ACOXL: variants seen among roughly 807,000 people sequenced by gnomAD.
ACOXL encodes the protein acyl-CoA oxidase like.
ACOXL carries 70 observed loss-of-function variants against 71.9 expected under a neutral mutation model. That is an observed-to-expected ratio of 0.97 (90% CI 0.80 to 1.19). The LOEUF (loss-of-function observed/expected upper bound fraction) is 1.19, where lower values mean the gene tolerates loss of function less well. Ranked by LOEUF, ACOXL falls within the 50% of genes most tolerant of loss-of-function variation. The pLI is 0.00. For missense variants in ACOXL, 703 were observed against 736.3 expected (o/e 0.95, Z 0.52); for synonymous variants, 253 against 281.6 (o/e 0.90, Z 1.02).
At chr2:110,875,960 T>C (rs1267564403) in intron 10 of ACOXL, among the ~76,000 whole-genome samples, 1 of 152,044 alleles carries the variant, frequency 6.6e-6, no homozygotes, top group East Asian at 1.9e-4. Context: ...TCTGTGTAAA[T>C]CCACTCTACT....
chr2:110,772,181 A>G (rs1015469832), intron 2 of ACOXL, among the ~76,000 whole-genome samples: 2 of 152,254 alleles, frequency 1.3e-5, no homozygotes, highest in Non-Finnish European at 1.5e-5. Flanking sequence ...TGAGTTGTAT[A>G]TATAAATGAC....
chr2:110,825,040 T>G (rs902987104), intron 9 of ACOXL, among the ~76,000 whole-genome samples: 28 of 152,340 alleles, frequency 1.8e-4, no homozygotes, highest in Middle Eastern at 3.4e-3. Context: ...CAAGTCTCAG[T>G]TCAATTCTTT....
At chr2:110,756,604 A>T (rs993239908) in intron 1 of ACOXL, among the ~76,000 whole-genome samples, 2 of 151,904 alleles carry the variant, frequency 1.3e-5, no homozygotes, top group African/African-American at 4.8e-5. Flanking sequence ...TCAATTGTTG[A>T]TCTATTTGGA....
rs762447164 is a variant in ACOXL at position 110,996,013 on chromosome 2, A to G, written c.1281+9A>G. On this transcript the variant is annotated intron_variant, in intron 14 of 17. Coordinates refer to ENST00000439055, the MANE Select transcript of ACOXL (RefSeq NM_001142807.4). Reference sequence around the variant, plus strand: ...CCAGAATTTATTATAAGGTAAAGATACACTGTGTTATATTTTTCCTTTTGA... The same window carrying G: ...CCAGAATTTATTATAAGGTAAAGATGCACTGTGTTATATTTTTCCTTTTGA... The G allele has an allele frequency of 2.0e-5, 31 of 1,575,742 alleles. No homozygotes were observed. The Admixed American group carries it at 5.3e-4, about 27-fold the overall frequency.
At position 111,076,478 on chromosome 2, in the gene ACOXL, T is replaced by A. The variant is rs79500620; in HGVS notation, c.1441-16387T>A. Among the ~76,000 whole-genome samples, 561 of 152,322 alleles carry A rather than the reference T, an allele frequency of 3.7e-3. 10 individuals carry two copies. The East Asian group carries it at 0.047, about 13-fold the overall frequency. On this transcript the variant is annotated intron_variant, in intron 16 of 17. Transcript: ENST00000439055. ...TCCTTTTAGTTTTACATCTATCATT[T>A]TATTTGGAGTTATTTTTTGGTACAC... is the stretch of plus-strand genomic sequence containing the variant.
At chr2:111,058,884 C>G (rs1353520488) in intron 16 of ACOXL, among the ~76,000 whole-genome samples, 1 of 152,134 alleles carries the variant, frequency 6.6e-6, no homozygotes, top group Non-Finnish European at 1.5e-5. Context: ...TCTTGGGTCT[C>G]CTGATGGAAT....
intron 12 of ACOXL, among the ~76,000 whole-genome samples, chr2:110,965,924 A>G (rs886399738): frequency 1.3e-5 from 2 of 152,288 alleles, no homozygotes; most frequent in East Asian, 3.9e-4. Flanking sequence ...ATGCTCCAGG[A>G]GACACCTAAT....
rs555125125 is a variant in ACOXL, at chr2:110,900,931, C to T, written c.789-7858C>T. ...ACAGAGCCAGGGCTGCAGGTTTATC[C>T]TGGGTGGTGTTGTCTCCTATCTGAG... is the stretch of plus-strand genomic sequence containing the variant. On this transcript the variant is annotated intron_variant, in intron 10 of 17. Coordinates refer to ENST00000439055, the MANE Select transcript of ACOXL (RefSeq NM_001142807.4). 3.3e-5 allele frequency among the ~76,000 whole-genome samples: 5 copies of T among 152,304 alleles called. No individual in the cohort carries two copies. The South Asian group carries it at 1.0e-3, about 32-fold the overall frequency.
intron 12 of ACOXL, among the ~76,000 whole-genome samples, chr2:110,978,345 C>G (rs1374663222): frequency 6.6e-6 from 1 of 152,198 alleles, no homozygotes; most frequent in East Asian, 1.9e-4. Flanking sequence ...AAGGGAGGAG[C>G]CCTCATGGCA....
intron 16 of ACOXL, among the ~76,000 whole-genome samples, chr2:111,064,032 G>T (rs1315450221): frequency 6.6e-6 from 1 of 152,192 alleles, no homozygotes; most frequent in African/African-American, 2.4e-5. Flanking sequence ...CAAGGTCAAC[G>T]TTCATTCATT....
At chr2:111,007,476 T>C (rs2063930740) in intron 14 of ACOXL, among the ~76,000 whole-genome samples, 2 of 152,354 alleles carry the variant, frequency 1.3e-5, no homozygotes, top group Non-Finnish European at 2.9e-5. Context: ...ATTTTATGCT[T>C]TGGGTTACAA....
chr2:110,882,108 G>C (rs925112068), intron 10 of ACOXL, among the ~76,000 whole-genome samples: 1 of 152,120 alleles, frequency 6.6e-6, no homozygotes, highest in African/African-American at 2.4e-5. Flanking sequence ...AGTTCCAGTT[G>C]CTCCACACTC....
At chr2:110,889,069 G>A (rs929379601) in intron 10 of ACOXL, among the ~76,000 whole-genome samples, 4 of 152,194 alleles carry the variant, frequency 2.6e-5, no homozygotes, top group African/African-American at 9.7e-5. Flanking sequence ...CCTGAAGTGA[G>A]TTTTGTCTTG....
chr2:110,939,642 A>G (rs1163430921), intron 12 of ACOXL, among the ~76,000 whole-genome samples: 2 of 152,192 alleles, frequency 1.3e-5, no homozygotes, highest in African/African-American at 4.8e-5. Context: ...TTTTGTGCAT[A>G]CCTGGGATTG....
intron 12 of ACOXL, among the ~76,000 whole-genome samples, chr2:110,950,044 T>G (rs1027849208): frequency 6.6e-6 from 1 of 151,956 alleles, no homozygotes; most frequent in African/African-American, 2.4e-5. Context: ...TTTATTTTTA[T>G]TTTATGTTAT....
At chr2:110,749,940 T>A (rs1021196109) in intron 1 of ACOXL, among the ~76,000 whole-genome samples, 1 of 152,236 alleles carries the variant, frequency 6.6e-6, no homozygotes, top group African/African-American at 2.4e-5. Context: ...GTCAGGTGTT[T>A]GTCAAATGTC....
intron 9 of ACOXL, among the ~76,000 whole-genome samples, chr2:110,838,330 G>T (rs1390609222): frequency 2.0e-5 from 3 of 152,204 alleles, no homozygotes; most frequent in African/African-American, 7.2e-5. Flanking sequence ...ATATGTGTGT[G>T]TGCAGTGTAC....
In ACOXL at chr2:110,860,348, T is replaced by C. The variant is rs183220298; in HGVS notation, c.788+18943T>C. 1.8e-3 allele frequency among the ~76,000 whole-genome samples: 277 copies of C among 152,312 alleles called. 2 individuals are homozygous for C. The highest frequency in any genetic ancestry group is 6.5e-3 in the African/African-American group (271 of 41,586). On this transcript the variant is annotated intron_variant, in intron 10 of 17. Coordinates refer to ENST00000439055, the MANE Select transcript of ACOXL (RefSeq NM_001142807.4). ...CTGGTCTTGAACTCCCGACCTCAAGTGATCCATTCGCCTTGGCCTCCCAAA... is the reference window on the plus strand; with the variant it reads ...CTGGTCTTGAACTCCCGACCTCAAGCGATCCATTCGCCTTGGCCTCCCAAA...
At chr2:111,029,538 A>C (rs2065170309) in intron 14 of ACOXL, among the ~76,000 whole-genome samples, 1 of 152,224 alleles carries the variant, frequency 6.6e-6, no homozygotes, top group Non-Finnish European at 1.5e-5. Context: ...ATCACTGTGA[A>C]GCCCGCAGTT....
Sources: gnomAD v4.1 joint callset for allele counts (sites outside exome capture counted in the v4.1 genomes callset) on GRCh38, gnomAD v4.1.1 for gene constraint, MANE v1.5 for transcripts, NCBI Gene and HGNC (gene_info 2026-07-23, HGNC 2026-07-21) for gene names.